OAT: variants seen among roughly 807,000 people sequenced by gnomAD.
OAT encodes the protein ornithine aminotransferase.
A neutral mutation model predicts 48.4 loss-of-function variants in OAT; 35 were observed. That is an observed-to-expected ratio of 0.72 (90% CI 0.55 to 0.96). The LOEUF is 0.96. Ranked by LOEUF, OAT falls within the 40% of genes least tolerant of loss-of-function variation. The pLI, the probability that OAT is intolerant of heterozygous loss-of-function variation, is 0.00. For synonymous variants in OAT, 182 were observed against 198.4 expected, an observed-to-expected ratio of 0.92 and a Z score of 0.70; for missense variants, 438 against 537.9, an observed-to-expected ratio of 0.81 and a Z score of 1.84.
At chr10:124,405,702 A>G in intron 4 of OAT, 139 bp from the exon 5 acceptor site, 1 of 1,506,776 alleles carries the variant, frequency 6.6e-7, no homozygotes, top group Non-Finnish European at 8.9e-7. Flanking sequence ...TGGGCTTTCA[A>G]TTGTTAAAAC....
At chr10:124,413,863 C>T (rs1285754421) in intron 1 of OAT, among the ~76,000 whole-genome samples, 1 of 152,022 alleles carries the variant, frequency 6.6e-6, no homozygotes, top group Non-Finnish European at 1.5e-5. Context: ...GCTACTCTCC[C>T]CAGTCACCCC....
intron 9 of OAT, among the ~76,000 whole-genome samples, chr10:124,399,441 G>T (rs1010321122): frequency 6.7e-6 from 1 of 148,504 alleles, no homozygotes; most frequent in East Asian, 2.0e-4. Context: ...CACCTCCCAG[G>T]TTCAAGCGAT....
intron 4 of OAT, 95 bp downstream of exon 4, chr10:124,408,447 A>C (rs1290427405): frequency 3.3e-5 from 38 of 1,152,400 alleles, no homozygotes; most frequent in Non-Finnish European, 3.0e-5. Context: ...TGGCCTCCCA[A>C]AATGCTAGGA....
rs982883273 is a variant in OAT, at chr10:124,408,788, T to C, written c.377A>G (p.Tyr126Cys). 3.1e-6 allele frequency: 5 copies of C among 1,612,166 alleles called. No homozygotes were observed. The highest frequency in any genetic ancestry group is 3.4e-6 in the Non-Finnish European group (4 of 1,179,642). ...YNNVLGEYEE[Y>C]ITKLFNYHKV... is the part of the protein sequence containing the mutation. ...GTGGTAGTTGAAAAGTTTAGTAATATACTCCTCATATTCACCAAGTACGTT... is the reference window on the plus strand; with the variant it reads ...GTGGTAGTTGAAAAGTTTAGTAATACACTCCTCATATTCACCAAGTACGTT... The change falls in exon 3 of 10, where the codon TAT becomes TGT. Residue 126 changes from tyrosine (Y) to cysteine (C), a missense_variant. Coordinates refer to ENST00000368845, the MANE Select transcript of OAT (RefSeq NM_000274.4).
chr10:124,402,151 C>T (rs1198607595), intron 7 of OAT, among the ~76,000 whole-genome samples: 5 of 152,134 alleles, frequency 3.3e-5, no homozygotes, highest in African/African-American at 1.2e-4. Flanking sequence ...CTGCCTGCCT[C>T]GGCCTCCCAA....
chr10:124,418,242 G>A (rs1024463863), intron 1 of OAT: 6 of 152,452 alleles, frequency 3.9e-5, no homozygotes, highest in Admixed American at 3.9e-4. Context: ...TAGGCTGGAA[G>A]AGGGGAGCGA....
chr10:124,405,694 G>A, intron 4 of OAT, 131 bp from the exon 5 acceptor site: 2 of 1,518,042 alleles, frequency 1.3e-6, no homozygotes, highest in East Asian at 2.5e-5. Context: ...ACCTTCGGTG[G>A]GCTTTCAATT....
intron 1 of OAT, among the ~76,000 whole-genome samples, chr10:124,412,589 T>C (rs894512124): frequency 6.6e-6 from 1 of 151,976 alleles, no homozygotes; most frequent in Non-Finnish European, 1.5e-5. Flanking sequence ...GAGGATCGCT[T>C]GAGCCGAGGA....
intron 2 of OAT, 144 bp downstream of exon 2, chr10:124,411,829 A>G (rs1362162374): frequency 2.6e-6 from 2 of 767,596 alleles, no homozygotes; most frequent in Non-Finnish European, 4.3e-6. Flanking sequence ...AAAAAAAAAA[A>G]AAAAAGAAGA....
Position 124,411,998 on chromosome 10 carries a change from T to C in OAT, c.174A>G (p.Leu58=), listed in dbSNP as rs1383903514. ...YKYGAHNYHP[L]PVALERGKGI... ...CTTTTCCTCTCTCCAGGGCTACAGG[T>C]AAAGGATGGTAGTTGTGTGCACCAT... The change falls in exon 2 of 10, where the codon TTA becomes TTG. Residue 58 remains leucine (L), a synonymous_variant. Transcript: ENST00000368845. 1 of 1,614,106 alleles carries C rather than the reference T, an allele frequency of 6.2e-7. No individual in the cohort carries two copies. The highest frequency in any genetic ancestry group is 1.7e-5 in the Admixed American group (1 of 60,016).
chr10:124,398,324 C>T (rs1175222290), intron 9 of OAT, among the ~76,000 whole-genome samples: 3 of 151,892 alleles, frequency 2.0e-5, no homozygotes, highest in Non-Finnish European at 4.4e-5. Context: ...TCCTGGCCAA[C>T]ATTATGAAAC....
chr10:124,413,333 C>T (rs1430633595), intron 1 of OAT, among the ~76,000 whole-genome samples: 1 of 148,782 alleles, frequency 6.7e-6, no homozygotes, highest in Non-Finnish European at 1.5e-5. Flanking sequence ...CCAAACAAAA[C>T]AATCTATTCT....
At chr10:124,405,942 G>A (rs906573388) in intron 4 of OAT, 15 of 1,138,834 alleles carry the variant, frequency 1.3e-5, no homozygotes, top group Middle Eastern at 4.1e-4. Flanking sequence ...ATAGTGATAT[G>A]AGAAAGAATA....
At chr10:124,399,211 G>C (rs2134444177) in intron 9 of OAT, among the ~76,000 whole-genome samples, 1 of 152,106 alleles carries the variant, frequency 6.6e-6, no homozygotes, top group African/African-American at 2.4e-5. Context: ...TCTCAACCTG[G>C]CTGCACATCA....
intron 2 of OAT, among the ~76,000 whole-genome samples, chr10:124,410,484 T>C (rs1951714159): frequency 6.6e-6 from 1 of 152,230 alleles, no homozygotes; most frequent in Admixed American, 6.5e-5. Context: ...TGTTAAGTTC[T>C]TGATTTTTAC....
At chr10:124,405,610 T>C (rs766078425) in intron 4 of OAT, 47 bp from the exon 5 acceptor site, 1 of 1,608,668 alleles carries the variant, frequency 6.2e-7, no homozygotes, top group South Asian at 1.1e-5. Flanking sequence ...AACCCAAAAT[T>C]CAATAAGCAC....
chr10:124,418,492 G>C (rs1205853625), intron 1 of OAT, among the ~76,000 whole-genome samples: 2 of 152,224 alleles, frequency 1.3e-5, no homozygotes, highest in African/African-American at 4.8e-5. Context: ...TCCACAGGCC[G>C]CGAGCGCAGG....
chr10:124,404,413 G>T (rs200933293), intron 5 of OAT, among the ~76,000 whole-genome samples: 1 of 151,678 alleles, frequency 6.6e-6, no homozygotes, highest in African/African-American at 2.4e-5. Context: ...GATTACAGGC[G>T]CACAGCACCA....
At chr10:124,406,480 GACTGTCT>G (rs1951581104) in intron 4 of OAT, among the ~76,000 whole-genome samples, 1 of 151,502 alleles carries the variant, frequency 6.6e-6, no homozygotes, top group South Asian at 2.1e-4. Context: ...GACAGAGCAA[GACTGTCT>G]CAAAAAATAA....
Sources: allele counts gnomAD v4.1 joint callset (sites outside exome capture counted in the v4.1 genomes callset), GRCh38; gene constraint gnomAD v4.1.1; transcripts MANE v1.5; gene names NCBI Gene and HGNC (gene_info 2026-07-23, HGNC 2026-07-21).